CNTLN: variants seen among roughly 807,000 people sequenced by gnomAD.
CNTLN encodes the protein centlein, centrosomal protein.
CNTLN carries 212 observed loss-of-function variants against 180.0 expected under a neutral mutation model. That is an observed-to-expected ratio of 1.18 (90% CI 1.05 to 1.32). The LOEUF (loss-of-function observed/expected upper bound fraction) is 1.32, where lower values mean the gene tolerates loss of function less well. CNTLN is among the 40% of genes most tolerant of loss of function. The pLI, the probability that CNTLN is intolerant of heterozygous loss-of-function variation, is 0.00. For synonymous variants in CNTLN, 722 were observed against 563.1 expected (o/e 1.28, Z -3.99); for missense variants, 2,095 against 1,610.9 (o/e 1.30, Z -5.14).
At chr9:17,291,003 C>G (rs955973687) in intron 6 of CNTLN, among the ~76,000 whole-genome samples, 6 of 152,148 alleles carry the variant, frequency 3.9e-5, no homozygotes, top group African/African-American at 1.2e-4. Flanking sequence ...TAGACCGGAG[C>G]TGTTCCTATT....
At chr9:17,356,105 G>A (rs989065221) in intron 12 of CNTLN, among the ~76,000 whole-genome samples, 22 of 151,148 alleles carry the variant, frequency 1.5e-4, no homozygotes, top group Admixed American at 6.6e-5. Context: ...AGTCCAACAG[G>A]AAAAAGCATT....
intron 2 of CNTLN, among the ~76,000 whole-genome samples, chr9:17,225,434 TTTAA>T (rs1276854528): frequency 6.6e-6 from 1 of 152,044 alleles, no homozygotes; most frequent in African/African-American, 2.4e-5. Context: ...GATTTGTCTG[TTTAA>T]TTATTTATGT....
At chr9:17,352,389 AATAT>A (rs373257904) in intron 12 of CNTLN, among the ~76,000 whole-genome samples, 20,874 of 83,486 alleles carry the variant, frequency 0.25, 1,710 homozygotes, top group Middle Eastern at 0.31. Flanking sequence ...CTCAAGCTAG[AATAT>A]ATATATATAT....
intron 13 of CNTLN, among the ~76,000 whole-genome samples, chr9:17,372,121 GATAA>G (rs1824372412): frequency 6.6e-6 from 1 of 151,674 alleles, no homozygotes; most frequent in Non-Finnish European, 1.5e-5. Context: ...TCAGAGCAGA[GATAA>G]ATAAAATTAA....
chr9:17,149,718 C>T (rs918797268), intron 2 of CNTLN, among the ~76,000 whole-genome samples: 19 of 151,880 alleles, frequency 1.3e-4, no homozygotes, highest in African/African-American at 4.1e-4. Flanking sequence ...GGGGTTTCAC[C>T]ATGTTAGCCA....
At chr9:17,292,732 A>G (rs1829496400) in intron 6 of CNTLN, among the ~76,000 whole-genome samples, 1 of 152,016 alleles carries the variant, frequency 6.6e-6, no homozygotes, top group Non-Finnish European at 1.5e-5. Context: ...GCTTCTTTGT[A>G]TTGGGTTAGA....
At chr9:17,212,942 T>C (rs1026616961) in intron 2 of CNTLN, among the ~76,000 whole-genome samples, 9 of 152,214 alleles carry the variant, frequency 5.9e-5, no homozygotes, top group African/African-American at 1.9e-4. Flanking sequence ...GATTCTTCTC[T>C]CTTTTCTTCT....
intron 2 of CNTLN, among the ~76,000 whole-genome samples, chr9:17,149,657 A>G (rs958034041): frequency 5.3e-5 from 8 of 151,698 alleles, no homozygotes; most frequent in South Asian, 2.1e-4. Flanking sequence ...AGCTGGGACT[A>G]TAGGCGCCCG....
Position 17,466,196 on chromosome 9 carries a change from T to C in CNTLN, c.3669+78T>C. 3.7e-6 allele frequency: 5 copies of C among 1,346,196 alleles called. No homozygotes were observed. In the South Asian group the frequency reaches 6.4e-5, roughly 17 times the overall value. 83.4% of individuals were successfully genotyped at this position (1,346,196 alleles called of 1,614,324 possible). On this transcript the variant is annotated intron_variant, in intron 22 of 25. Transcript: ENST00000380647. The stretch of plus-strand genomic sequence containing the variant: ...GTTTCATTTTTAACATTGTTGCTTT[T>C]TCCTTCCCAAAACCACAAGCTACTT...
chr9:17,319,499 T>C (rs555414736), intron 8 of CNTLN, among the ~76,000 whole-genome samples: 1 of 152,324 alleles, frequency 6.6e-6, no homozygotes, highest in Non-Finnish European at 1.5e-5. Context: ...TAGTGGGACT[T>C]TTTTGTGCAG....
chr9:17,185,113 A>T (rs1344237123), intron 2 of CNTLN, among the ~76,000 whole-genome samples: 5 of 152,222 alleles, frequency 3.3e-5, no homozygotes, highest in Admixed American at 1.3e-4. Flanking sequence ...TGGAAAATAG[A>T]ATTCTTTTGG....
intron 5 of CNTLN, among the ~76,000 whole-genome samples, chr9:17,267,682 G>C (rs1417412675): frequency 2.0e-5 from 3 of 152,154 alleles, no homozygotes; most frequent in Non-Finnish European, 4.4e-5. Flanking sequence ...ACACCAATCA[G>C]ACGTAGATTT....
intron 25 of CNTLN, among the ~76,000 whole-genome samples, chr9:17,499,601 G>T (rs1204975707): frequency 1.3e-5 from 2 of 152,114 alleles, no homozygotes; most frequent in South Asian, 4.1e-4. Flanking sequence ...AAAGCAGGAA[G>T]GCACAGCTAC....
At chr9:17,406,382 C>A (rs1486886163) in intron 15 of CNTLN, among the ~76,000 whole-genome samples, 1 of 151,732 alleles carries the variant, frequency 6.6e-6, no homozygotes, top group Non-Finnish European at 1.5e-5. Context: ...TGTGTTCTAC[C>A]TACACTGGAC....
intron 6 of CNTLN, among the ~76,000 whole-genome samples, chr9:17,293,748 C>A (rs1465378449): frequency 6.6e-6 from 1 of 152,160 alleles, no homozygotes; most frequent in African/African-American, 2.4e-5. Context: ...CCTCCCCTTC[C>A]ATTAGGAAGT....
intron 2 of CNTLN, chr9:17,168,024 A>G (rs1820195060): frequency 6.6e-6 from 1 of 152,160 alleles, no homozygotes; most frequent in South Asian, 2.1e-4. Flanking sequence ...GACTCTGGGA[A>G]AATTACCCCG....
intron 6 of CNTLN, among the ~76,000 whole-genome samples, chr9:17,289,825 T>C (rs1325556003): frequency 7.2e-6 from 1 of 139,716 alleles, no homozygotes; most frequent in Non-Finnish European, 1.5e-5. Context: ...TCTGCATTGT[T>C]CACCTAGTTC....
intron 2 of CNTLN, among the ~76,000 whole-genome samples, chr9:17,153,807 TG>T (rs1368379674): frequency 2.0e-5 from 3 of 152,224 alleles, no homozygotes; most frequent in Non-Finnish European, 4.4e-5. Flanking sequence ...AATGTAGACT[TG>T]GTCTTTTCAC....
intron 18 of CNTLN, among the ~76,000 whole-genome samples, chr9:17,449,304 G>T (rs1257770742): frequency 7.5e-6 from 1 of 133,378 alleles, no homozygotes; most frequent in East Asian, 2.6e-4. Context: ...AGAGTGTGAT[G>T]TTCCCCTTTC....
Sources: gnomAD v4.1 joint callset for allele counts (sites outside exome capture counted in the v4.1 genomes callset) on GRCh38, gnomAD v4.1.1 for gene constraint, MANE v1.5 for transcripts, NCBI Gene and HGNC (gene_info 2026-07-23, HGNC 2026-07-21) for gene names.